TLCD3B: variants seen among roughly 807,000 people sequenced by gnomAD.
TLCD3B encodes ceramide synthase.
In TLCD3B, 9 loss-of-function variants were observed where a neutral mutation model predicts 23.0. The ratio of observed to expected loss-of-function variants is 0.39; its 90% CI spans 0.24 to 0.68. The LOEUF (loss-of-function observed/expected upper bound fraction) is 0.68, where lower values mean the gene tolerates loss of function less well. TLCD3B is among the 30% of genes least tolerant of loss of function. The pLI is 0.44. For synonymous variants in TLCD3B, 161 were observed against 161.0 expected, an observed-to-expected ratio of 1.00 and a Z score of 0.00; for missense variants, 307 against 371.8, an observed-to-expected ratio of 0.83 and a Z score of 1.43.
In TLCD3B at chr16:30,029,773, G is replaced by C. The variant is rs1202727019; in HGVS notation, c.126-258C>G. 6.6e-6 allele frequency among the ~76,000 whole-genome samples: 1 copy of C among 152,172 alleles called. No homozygotes were observed. Among genetic ancestry groups the C allele is most frequent in the East Asian group, 1.9e-4 (1 of 5,190 alleles). On this transcript the variant is annotated intron_variant, in intron 1 of 4. Transcript: ENST00000380495. The surrounding 1 kb of genome is among the most constrained non-coding windows in gnomAD (Gnocchi z 4.6). ...TCTTCCTTCCCCATTTGTGGAAACT[G>C]AGTCTCCCTCTTCTCAAGCCCGCAG... is the stretch of plus-strand genomic sequence containing the variant.
At chr16:30,028,969 G>A (rs1021726769) in intron 2 of TLCD3B, among the ~76,000 whole-genome samples, 4 of 152,162 alleles carry the variant, frequency 2.6e-5, no homozygotes, top group South Asian at 2.1e-4. Context: ...CTGCCTGGCC[G>A]TGTGTGGCCT....
intron 3 of TLCD3B, among the ~76,000 whole-genome samples, chr16:30,037,446 G>A (rs1251354309): frequency 4.6e-5 from 7 of 151,874 alleles, no homozygotes; most frequent in Non-Finnish European, 2.9e-5. Flanking sequence ...CGGAGGCTGA[G>A]GCAGGAGAAT....
chr16:30,052,426 G>T (rs1013486374), intron 1 of TLCD3B, among the ~76,000 whole-genome samples: 26 of 151,964 alleles, frequency 1.7e-4, no homozygotes, highest in African/African-American at 5.8e-4. Flanking sequence ...GCCCGGCGCG[G>T]TGGCTCACGC....
chr16:30,041,285 TG>T (rs1183510591), intron 2 of TLCD3B: 1 of 152,126 alleles, frequency 6.6e-6, no homozygotes, highest in African/African-American at 2.4e-5. Flanking sequence ...TTGTTTGTTT[TG>T]TTTTTTTGAG....
intron 2 of TLCD3B, among the ~76,000 whole-genome samples, chr16:30,045,455 G>A (rs925544243): frequency 3.0e-5 from 4 of 132,600 alleles, no homozygotes; most frequent in African/African-American, 1.1e-4. Context: ...GTGCATGTGT[G>A]GTGTGTGTGT....
chr16:30,044,658 A>G (rs1158541292), intron 2 of TLCD3B, among the ~76,000 whole-genome samples: 2 of 152,238 alleles, frequency 1.3e-5, no homozygotes, highest in Non-Finnish European at 2.9e-5. Flanking sequence ...ATAGAAAACC[A>G]GTACCACCTG....
intron 2 of TLCD3B, among the ~76,000 whole-genome samples, chr16:30,041,981 G>T (rs2071585540): frequency 6.6e-6 from 1 of 152,168 alleles, no homozygotes; most frequent in Non-Finnish European, 1.5e-5. Context: ...TCTTGGTTTG[G>T]AGAGCAGTGT....
chr16:30,036,599 T>A (rs8051721), intron 3 of TLCD3B: 6 of 347,988 alleles, frequency 1.7e-5, no homozygotes, highest in South Asian at 1.2e-4. Flanking sequence ...ATTGGTGGAG[T>A]GGCTAGAAGG....
chr16:30,040,147 A>AATATATATAT (rs1192651776), intron 3 of TLCD3B, among the ~76,000 whole-genome samples: 21 of 95,910 alleles, frequency 2.2e-4, no homozygotes, highest in South Asian at 1.0e-3. Context: ...AAAAAAAAAA[A>AATATATATAT]ATATATATAT....
At chr16:30,044,760 T>A (rs980419452) in intron 2 of TLCD3B, among the ~76,000 whole-genome samples, 1 of 152,130 alleles carries the variant, frequency 6.6e-6, no homozygotes, top group African/African-American at 2.4e-5. Flanking sequence ...CATTCTGAAC[T>A]GGAGGCTGGC....
At chr16:30,048,710 G>A (rs2071708805) in intron 1 of TLCD3B, among the ~76,000 whole-genome samples, 2 of 151,628 alleles carry the variant, frequency 1.3e-5, no homozygotes, top group African/African-American at 2.4e-5. Flanking sequence ...CAGTTCAAGT[G>A]ATTCTCCTGC....
At chr16:30,037,554 A>G (rs1318941244) in intron 3 of TLCD3B, among the ~76,000 whole-genome samples, 1 of 151,592 alleles carries the variant, frequency 6.6e-6, no homozygotes, top group African/African-American at 2.4e-5. Flanking sequence ...AAAAAAAAAA[A>G]AAAAAGAAGA....
At position 30,030,466 on chromosome 16, in the gene TLCD3B, T is replaced by C. The variant is rs542907723; in HGVS notation, c.62A>G (p.Asn21Ser). The change falls in exon 1 of 5, where the codon AAC becomes AGC. Residue 21 changes from asparagine to serine, a missense_variant. Asn to Ser is a conservative substitution (Grantham distance 46, BLOSUM62 1). Coordinates refer to ENST00000380495, the MANE Select transcript of TLCD3B (RefSeq NM_031478.6). Reference protein sequence around the residue: ...VFPGLFLLSKNTLQRLPQLRW... With the variant: ...VFPGLFLLSKSTLQRLPQLRW... ...TAGCTGGGGCAGCCGCTGGAGCGTG[T>C]TCTTGGAGAGGAGGAAGAGTCCGGG... The C allele has an allele frequency of 1.2e-6, 2 of 1,608,106 alleles. No homozygotes were observed. The highest frequency in any genetic ancestry group is 2.2e-5 in the East Asian group (1 of 44,710).
rs372391705 is a variant in TLCD3B at position 30,029,399 on chromosome 16, C to T, written c.209+33G>A. The T allele has an allele frequency of 1.3e-5, 20 of 1,596,226 alleles. No homozygotes were observed. The African/African-American group carries it at 2.7e-4, about 21-fold the overall frequency. On this transcript the variant is annotated intron_variant, in intron 2 of 4. Coordinates refer to ENST00000380495, the MANE Select transcript of TLCD3B (RefSeq NM_031478.6). This position sits in a 1 kb window ranked among gnomAD's most constrained non-coding sequence, Gnocchi z 4.6. ...ATTACCCGTACACGCCAACCACTGG[C>T]ACCTGGGCAGGGGGGTGTCTCGCAG... is the stretch of plus-strand genomic sequence containing the variant.
chr16:30,036,675 G>A (rs1240740488), intron 3 of TLCD3B: 1 of 260,258 alleles, frequency 3.8e-6, no homozygotes, highest in Non-Finnish European at 7.5e-6. Context: ...GTGGGGGCTG[G>A]GGGGCGGTTC....
In TLCD3B at chr16:30,026,819, C is replaced by A. The variant is rs748443806; in HGVS notation, c.234G>T (p.Thr78=). 4 of 1,613,986 alleles carry A rather than the reference C, an allele frequency of 2.5e-6. No homozygotes were observed. Among genetic ancestry groups the A allele is most frequent in the Non-Finnish European group, 3.4e-6 (4 of 1,180,002 alleles). The change falls in exon 3 of 5, where the codon ACG becomes ACT. Residue 78 remains threonine (T), a synonymous_variant. Transcript: ENST00000380495. ...AGATGAAGTAGGGCACAGCAAATTG[C>A]GTGTAGGCAGAGGACAGCCAGTGTC... The part of the protein sequence containing the change: ...DDQHWLSSAY[T]QFAVPYFIYD...
chr16:30,034,213 G>A (rs1438921051), upstream of TLCD3B, among the ~76,000 whole-genome samples: 1 of 151,932 alleles, frequency 6.6e-6, no homozygotes, highest in Non-Finnish European at 1.5e-5. Flanking sequence ...GGGAGGTCAA[G>A]GCTGCAGTGA....
At chr16:30,036,922 T>C (rs1055939969) in intron 3 of TLCD3B, among the ~76,000 whole-genome samples, 1 of 151,290 alleles carries the variant, frequency 6.6e-6, no homozygotes, top group Middle Eastern at 3.4e-3. Context: ...CTGTCTCTAC[T>C]AAAAATACAA....
At chr16:30,039,100 T>TTTAA (rs1891907722) in intron 3 of TLCD3B, among the ~76,000 whole-genome samples, 1 of 77,520 alleles carries the variant, frequency 1.3e-5, no homozygotes, top group African/African-American at 4.9e-5. Context: ...TCCTCCTTCC[T>TTTAA]CTCTTTTTTT....
Sources: gnomAD v4.1 joint callset for allele counts (sites outside exome capture counted in the v4.1 genomes callset) on GRCh38, gnomAD v4.1.1 for gene constraint, Gnocchi (gnomAD v3.1) non-coding constraint, MANE v1.5 for transcripts, NCBI Gene and HGNC (gene_info 2026-07-23, HGNC 2026-07-21) for gene names.